Variants in SPOCK3 observed in about 807,000 individuals in gnomAD.
SPOCK3 encodes the protein SPARC (osteonectin), cwcv and kazal like domains proteoglycan 3, also known as testican-3.
A neutral mutation model predicts 56.6 loss-of-function variants in SPOCK3; 30 were observed. The ratio of observed to expected loss-of-function variants is 0.53; its 90% CI spans 0.40 to 0.72. The LOEUF (loss-of-function observed/expected upper bound fraction) is 0.72, where lower values mean the gene tolerates loss of function less well. SPOCK3 is among the 30% of genes least tolerant of loss of function. The pLI, the probability that SPOCK3 is intolerant of heterozygous loss-of-function variation, is 0.00. For synonymous variants in SPOCK3, 196 were observed against 183.3 expected (o/e 1.07, Z -0.56); for missense variants, 527 against 530.0 (o/e 0.99, Z 0.06).
rs149609474 is a variant in SPOCK3, at chr4:166,754,657, T to C, written c.782A>G (p.Tyr261Cys). 21 of 1,613,642 alleles carry C rather than the reference T, an allele frequency of 1.3e-5. No individual in the cohort carries two copies. The highest frequency in any genetic ancestry group is 2.2e-5 in the South Asian group (2 of 91,080). The change falls in exon 8 of 11, where the codon TAT becomes TGT. Residue 261 changes from tyrosine (Y) to cysteine (C), a missense_variant. Physicochemically the swap from Tyr to Cys is radical, Grantham distance 194 (BLOSUM62 -2). Transcript: ENST00000357545. ...CTCTGACTGGTCCAATAGCAGGTCA[T>C]AGTTTGTATCAAGTCTGTTAAACAT... ...GWMFNRLDTNYDLLLDQSELR... is the reference protein window; with the variant it reads ...GWMFNRLDTNCDLLLDQSELR...
At position 167,190,465 on chromosome 4, in the gene SPOCK3, T is replaced by C. The variant is rs1468492346; in HGVS notation, c.189+43520A>G. Among the ~76,000 whole-genome samples, 12 of 146,552 alleles carry C rather than the reference T, an allele frequency of 8.2e-5. 1 individual carries two copies. The highest frequency in any genetic ancestry group is 3.1e-4 in the African/African-American group (12 of 38,542). On this transcript the variant is annotated intron_variant, in intron 2 of 10. Coordinates refer to ENST00000357545, the MANE Select transcript of SPOCK3 (RefSeq NM_001040159.2). ...ATTTGACTCTTTTTGAATTGTATTT[T>C]ATTTGTTTTGGCATATTGAGTTGCA...
At chr4:166,915,552 C>T (rs555810867) in intron 4 of SPOCK3, among the ~76,000 whole-genome samples, 58 of 152,094 alleles carry the variant, frequency 3.8e-4, no homozygotes, top group African/African-American at 1.0e-3. Flanking sequence ...TGTTGTTGGT[C>T]GGTTTTTAAT....
intron 6 of SPOCK3, among the ~76,000 whole-genome samples, chr4:166,802,879 G>A (rs980320010): frequency 3.3e-5 from 5 of 151,948 alleles, no homozygotes; most frequent in Admixed American, 3.3e-4. Context: ...TCATTCCAGG[G>A]CAGATTTGAG....
At position 167,044,005 on chromosome 4, in the gene SPOCK3, T is replaced by G. The variant is rs117828532; in HGVS notation, c.235+18487A>C. Among the ~76,000 whole-genome samples the G allele has an allele frequency of 2.7e-3, 410 of 152,104 alleles. 4 individuals are homozygous for G. The East Asian group carries it at 0.034, about 13-fold the overall frequency. The stretch of plus-strand genomic sequence containing the variant: ...TTTGATTCTTCTATCTTCTAAAAAA[T>G]TGCGGAGAATTGTTTTATTCTTCTT... On this transcript the variant is annotated intron_variant, in intron 3 of 10. Transcript: ENST00000357545.
rs577805474 is a variant in SPOCK3 at position 166,864,889 on chromosome 4, T to C, written c.589+24241A>G. Among the ~76,000 whole-genome samples the C allele has an allele frequency of 5.3e-5, 8 of 152,242 alleles. No homozygotes were observed. The South Asian group carries it at 1.7e-3, about 32-fold the overall frequency. The stretch of plus-strand genomic sequence containing the variant: ...TCTGGTACCATTCCTTCTGAAATTC[T>C]TCCAAATGAAAGAAAAAGAGGGAGC... On this transcript the variant is annotated intron_variant, in intron 6 of 10. Transcript: ENST00000357545.
intron 2 of SPOCK3, among the ~76,000 whole-genome samples, chr4:167,084,339 T>C (rs1323411756): frequency 1.3e-5 from 2 of 152,130 alleles, no homozygotes. Flanking sequence ...TGCATATTTT[T>C]TCTTTTTTTA....
intron 2 of SPOCK3, among the ~76,000 whole-genome samples, chr4:167,211,023 T>G (rs1384676171): frequency 1.3e-5 from 2 of 152,226 alleles, no homozygotes; most frequent in Non-Finnish European, 2.9e-5. Flanking sequence ...AGTTATAAAT[T>G]ATGTAATTGA....
At chr4:166,940,270 AGAT>A (rs1481254929) in intron 4 of SPOCK3, among the ~76,000 whole-genome samples, 2 of 152,212 alleles carry the variant, frequency 1.3e-5, no homozygotes, top group African/African-American at 4.8e-5. Flanking sequence ...GTATGAGCCT[AGAT>A]TACAACATCC....
At chr4:167,181,132 A>G (rs2110754330) in intron 2 of SPOCK3, among the ~76,000 whole-genome samples, 1 of 152,224 alleles carries the variant, frequency 6.6e-6, no homozygotes, top group South Asian at 2.1e-4. Context: ...AGACTCTGAA[A>G]TCTATATCCC....
intron 2 of SPOCK3, among the ~76,000 whole-genome samples, chr4:167,223,892 T>C (rs1285487116): frequency 6.6e-6 from 1 of 152,162 alleles, no homozygotes; most frequent in Non-Finnish European, 1.5e-5. Flanking sequence ...AGGAAGAGTC[T>C]GTCGTATTTT....
intron 3 of SPOCK3, among the ~76,000 whole-genome samples, chr4:167,055,449 C>T (rs374384352): frequency 1.2e-4 from 19 of 152,022 alleles, no homozygotes; most frequent in South Asian, 2.1e-4. Context: ...AGACAGTGGG[C>T]GCAGGACAGT....
At chr4:166,939,561 C>G (rs1299291556) in intron 4 of SPOCK3, among the ~76,000 whole-genome samples, 1 of 152,094 alleles carries the variant, frequency 6.6e-6, no homozygotes, top group East Asian at 1.9e-4. Flanking sequence ...GGAAATGATA[C>G]CTGAGTTGGG....
chr4:167,033,067 G>C (rs559721273), intron 3 of SPOCK3, among the ~76,000 whole-genome samples: 17 of 151,980 alleles, frequency 1.1e-4, no homozygotes, highest in African/African-American at 4.1e-4. Flanking sequence ...ATTTAATTTA[G>C]TTCAGAGCCA....
At chr4:166,856,505 G>A (rs972741930) in intron 6 of SPOCK3, among the ~76,000 whole-genome samples, 2 of 152,108 alleles carry the variant, frequency 1.3e-5, no homozygotes, top group African/African-American at 2.4e-5. Flanking sequence ...GCCAGGCACG[G>A]TGGCTCACAG....
At chr4:167,047,267 G>A (rs1753820822) in intron 3 of SPOCK3, among the ~76,000 whole-genome samples, 1 of 152,088 alleles carries the variant, frequency 6.6e-6, no homozygotes. Context: ...TAAAAATAGG[G>A]TAACTATAAA....
At chr4:166,806,447 G>T (rs539592758) in intron 6 of SPOCK3, among the ~76,000 whole-genome samples, 1 of 151,960 alleles carries the variant, frequency 6.6e-6, no homozygotes, top group South Asian at 2.1e-4. Context: ...CTTCTATTTT[G>T]CATGTTAATG....
At chr4:166,840,075 A>G (rs545106050) in intron 6 of SPOCK3, among the ~76,000 whole-genome samples, 1 of 152,364 alleles carries the variant, frequency 6.6e-6, no homozygotes, top group South Asian at 2.1e-4. Context: ...CTCCTCAGTT[A>G]AAGGGTCTAT....
At chr4:167,087,877 A>AT (rs1021857648) in intron 2 of SPOCK3, among the ~76,000 whole-genome samples, 79 of 152,230 alleles carry the variant, frequency 5.2e-4, no homozygotes, top group African/African-American at 1.8e-3. Flanking sequence ...AGCTATCAGA[A>AT]TTGTGCTTAA....
At chr4:167,026,820 G>GTT (rs529088799) in intron 3 of SPOCK3, among the ~76,000 whole-genome samples, 25 of 132,520 alleles carry the variant, frequency 1.9e-4, no homozygotes, top group Non-Finnish European at 3.4e-4. Flanking sequence ...GGCATTTGAA[G>GTT]TTTTTTTTTT....
Sources: allele counts gnomAD v4.1 joint callset (sites outside exome capture counted in the v4.1 genomes callset), GRCh38; gene constraint gnomAD v4.1.1; transcripts MANE v1.5; gene names NCBI Gene and HGNC (gene_info 2026-07-23, HGNC 2026-07-21).